Variants in C16orf74 observed in about 807,000 individuals in gnomAD.
C16orf74 encodes the protein calcimembrin.
A neutral mutation model predicts 6.5 loss-of-function variants in C16orf74; 10 were observed. That is an observed-to-expected ratio of 1.54 (90% CI 0.95 to 2.61). The LOEUF (loss-of-function observed/expected upper bound fraction) is 2.61. Among genes scored for constraint, C16orf74 ranks in the 30% most tolerant of loss-of-function variants. C16orf74 has a pLI of 0.00. For synonymous variants in C16orf74, 60 were observed against 42.5 expected (o/e 1.41, Z -1.60); for missense variants, 141 against 105.9 (o/e 1.33, Z -1.45).
At chr16:85,736,261 G>A (rs2054243641) in intron 1 of C16orf74, among the ~76,000 whole-genome samples, 1 of 152,158 alleles carries the variant, frequency 6.6e-6, no homozygotes, top group East Asian at 1.9e-4. Flanking sequence ...CTAGAGGGGT[G>A]TGTGGCTAGT....
intron 2 of C16orf74, among the ~76,000 whole-genome samples, chr16:85,725,709 T>A (rs1296430511): frequency 6.6e-6 from 1 of 152,116 alleles, no homozygotes; most frequent in Admixed American, 6.5e-5. Context: ...GCTCAAGCAA[T>A]CCTCACACCT....
At chr16:85,736,855 C>A (rs1351042925) in intron 1 of C16orf74, among the ~76,000 whole-genome samples, 1 of 152,080 alleles carries the variant, frequency 6.6e-6, no homozygotes, top group Non-Finnish European at 1.5e-5. Flanking sequence ...ACCAGCCTGG[C>A]CAACATGGTG....
intron 2 of C16orf74, among the ~76,000 whole-genome samples, chr16:85,715,541 G>A (rs2054014708): frequency 6.6e-6 from 1 of 152,216 alleles, no homozygotes; most frequent in Non-Finnish European, 1.5e-5. Context: ...CTTTCTGCAA[G>A]GGGCCAGGCA....
At chr16:85,739,097 T>C (rs1396953990) in intron 1 of C16orf74, among the ~76,000 whole-genome samples, 1 of 152,140 alleles carries the variant, frequency 6.6e-6, no homozygotes, top group African/African-American at 2.4e-5. Flanking sequence ...CCCTCATCAA[T>C]TGTGCCCATG....
chr16:85,734,230 CAG>C lies in C16orf74; in HGVS notation c.28+958_28+959del, dbSNP rs535363219. Among the ~76,000 whole-genome samples, 91 of 152,340 alleles carry C rather than the reference CAG, an allele frequency of 6.0e-4. 4 individuals are homozygous for C. The South Asian group carries it at 0.018, about 30-fold the overall frequency. ...ACAATTAATTAAGAGCAGCCACCGC[CAG>C]AGTGTTCCAGGCCCTGCTCTCGTGC... On this transcript the variant is annotated intron_variant, in intron 2 of 3. Coordinates refer to ENST00000284245, the MANE Select transcript of C16orf74 (RefSeq NM_206967.3).
At chr16:85,725,665 GC>G (rs2054125558) in intron 2 of C16orf74, among the ~76,000 whole-genome samples, 1 of 152,076 alleles carries the variant, frequency 6.6e-6, no homozygotes, top group Non-Finnish European at 1.5e-5. Context: ...GCAAAATTTG[GC>G]AATTTTGGCT....
intron 1 of C16orf74, among the ~76,000 whole-genome samples, chr16:85,744,488 C>A (rs890665173): frequency 2.0e-5 from 3 of 152,014 alleles, no homozygotes; most frequent in African/African-American, 7.2e-5. Context: ...ATTATTTGCA[C>A]AACAGCTTGA....
At chr16:85,720,936 A>C (rs1275872516) in intron 2 of C16orf74, among the ~76,000 whole-genome samples, 2 of 149,668 alleles carry the variant, frequency 1.3e-5, no homozygotes, top group Non-Finnish European at 3.0e-5. Context: ...AAAAATACAA[A>C]AAGAATTAGC....
chr16:85,734,468 G>A (rs1429984191), intron 2 of C16orf74, among the ~76,000 whole-genome samples: 1 of 152,150 alleles, frequency 6.6e-6, no homozygotes, highest in Non-Finnish European at 1.5e-5. Flanking sequence ...GGTGGCCCCG[G>A]GGCAGGCTAG....
At chr16:85,743,354 G>C (rs1225746826) in intron 1 of C16orf74, 2 of 152,106 alleles carry the variant, frequency 1.3e-5, no homozygotes. Context: ...GCCAAATTCT[G>C]GGCCAAGTTT....
intron 1 of C16orf74, among the ~76,000 whole-genome samples, chr16:85,744,674 C>T (rs2054350796): frequency 6.6e-6 from 1 of 151,540 alleles, no homozygotes; most frequent in Non-Finnish European, 1.5e-5. Context: ...ACTAAAAATA[C>T]AAAAAATTAG....
intron 2 of C16orf74, among the ~76,000 whole-genome samples, chr16:85,731,472 A>C (rs2152063019): frequency 6.6e-6 from 1 of 152,248 alleles, no homozygotes; most frequent in South Asian, 2.1e-4. Flanking sequence ...GGTGGGTCTG[A>C]GTCCCTGGGC....
At chr16:85,719,806 C>T (rs2054061762) in intron 2 of C16orf74, among the ~76,000 whole-genome samples, 1 of 150,686 alleles carries the variant, frequency 6.6e-6, no homozygotes, top group South Asian at 2.1e-4. Context: ...GGCCACAGCA[C>T]ACACAAAGGC....
At chr16:85,737,568 G>A (rs2054258334) in intron 1 of C16orf74, among the ~76,000 whole-genome samples, 1 of 152,152 alleles carries the variant, frequency 6.6e-6, no homozygotes, top group Admixed American at 6.5e-5. Flanking sequence ...GGTGGCTCAC[G>A]TCTGTAATCC....
intron 1 of C16orf74, among the ~76,000 whole-genome samples, chr16:85,742,981 C>G (rs765452318): frequency 1.3e-5 from 2 of 152,238 alleles, no homozygotes; most frequent in Non-Finnish European, 2.9e-5. Flanking sequence ...CCATCATCAT[C>G]CTCATCATCG....
chr16:85,708,372 C>G (rs565844183), intron 3 of C16orf74, among the ~76,000 whole-genome samples: 1 of 152,192 alleles, frequency 6.6e-6, no homozygotes, highest in African/African-American at 2.4e-5. Flanking sequence ...TGGTATGATC[C>G]CATTTTATAG....
At chr16:85,722,496 A>G (rs2054092764) in intron 2 of C16orf74, among the ~76,000 whole-genome samples, 1 of 152,178 alleles carries the variant, frequency 6.6e-6, no homozygotes. Flanking sequence ...AACATTCAGG[A>G]GCGGAAGCGG....
At chr16:85,744,467 T>A (rs1188869520) in intron 1 of C16orf74, among the ~76,000 whole-genome samples, 1 of 152,038 alleles carries the variant, frequency 6.6e-6, no homozygotes, top group African/African-American at 2.4e-5. Context: ...CGTTGAAATA[T>A]CAGATTGTTA....
At chr16:85,748,081 G>A (rs1179217531) in intron 1 of C16orf74, among the ~76,000 whole-genome samples, 1 of 65,518 alleles carries the variant, frequency 1.5e-5, no homozygotes, top group African/African-American at 3.3e-5. Flanking sequence ...GCGAGACTCC[G>A]TCTCAAAAAA....
Sources: gnomAD v4.1 joint callset for allele counts (sites outside exome capture counted in the v4.1 genomes callset) on GRCh38, gnomAD v4.1.1 for gene constraint, MANE v1.5 for transcripts, NCBI Gene and HGNC (gene_info 2026-07-23, HGNC 2026-07-21) for gene names.